Variants in RTCA observed in about 807,000 individuals in gnomAD.
RTCA encodes the protein RNA 3'-terminal phosphate cyclase, also known as RNA terminal phosphate cyclase domain 1.
Under a neutral mutation model 46.1 loss-of-function variants are expected in RTCA, and 37 were observed. The observed-to-expected ratio is 0.80, with a 90% CI of 0.62 to 1.06. The LOEUF (loss-of-function observed/expected upper bound fraction) is 1.06. RTCA is among the 50% of genes least tolerant of loss of function. The pLI, the probability that RTCA is intolerant of heterozygous loss-of-function variation, is 0.00. For synonymous variants in RTCA, 164 were observed against 158.3 expected (o/e 1.04, Z -0.27); for missense variants, 435 against 455.5 (o/e 0.95, Z 0.41).
At position 100,268,147 on chromosome 1, in the gene RTCA, T is replaced by C; in HGVS notation, c.147-5T>C. ...CACGTTTTGATGCAGTATTATGACC[T>C]GAAGGCCTCAACATTTATCTGGACT... On this transcript the variant is annotated splice_polypyrimidine_tract_variant and splice_region_variant and intron_variant, in intron 2 of 10. Transcript: ENST00000370128. The C allele has an allele frequency of 6.2e-7, 1 of 1,614,106 alleles. No homozygotes were observed. Among genetic ancestry groups the C allele is most frequent in the Non-Finnish European group, 8.5e-7 (1 of 1,179,964 alleles).
intron 3 of RTCA, 113 bp downstream of exon 3, chr1:100,268,408 T>TG (rs1481488088): frequency 1.1e-6 from 1 of 912,892 alleles, no homozygotes; most frequent in Non-Finnish European, 1.6e-6. Context: ...TTTATGTTTT[T>TG]TTTTTTTGAG....
chr1:100,289,652 C>G (rs1332429127), intron 10 of RTCA, among the ~76,000 whole-genome samples: 1 of 152,128 alleles, frequency 6.6e-6, no homozygotes, highest in Non-Finnish European at 1.5e-5. Context: ...TAGCAGAGAT[C>G]AGGTTTTATT....
intron 3 of RTCA, among the ~76,000 whole-genome samples, chr1:100,268,644 G>A (rs919925689): frequency 2.2e-4 from 33 of 151,982 alleles, no homozygotes; most frequent in Non-Finnish European, 4.4e-5. Flanking sequence ...ATCCACCCAC[G>A]TTGGCCTCCC....
At chr1:100,269,793 C>A (rs1036679949) in intron 3 of RTCA, among the ~76,000 whole-genome samples, 1 of 152,050 alleles carries the variant, frequency 6.6e-6, no homozygotes, top group African/African-American at 2.4e-5. Flanking sequence ...AGGTTTTAAG[C>A]CCTGCATGCA....
intron 9 of RTCA, 31 bp from the exon 10 acceptor site, chr1:100,287,068 G>T: frequency 7.1e-7 from 1 of 1,413,220 alleles, no homozygotes; most frequent in Non-Finnish European, 9.6e-7. Context: ...TAATAAATGT[G>T]TGAGGTTTTT....
At chr1:100,281,356 A>G (rs113552542) in intron 8 of RTCA, 24 of 527,518 alleles carry the variant, frequency 4.5e-5, no homozygotes, top group Middle Eastern at 3.2e-4. Context: ...GAAGACCTAA[A>G]TTTTAGTCCC....
intron 8 of RTCA, among the ~76,000 whole-genome samples, chr1:100,278,473 T>C (rs894440605): frequency 5.9e-5 from 9 of 152,188 alleles, no homozygotes; most frequent in Admixed American, 2.0e-4. Context: ...GTAGCATCTT[T>C]AAAAATGCTT....
Position 100,291,633 on chromosome 1 carries a change from G to A in RTCA, c.*129G>A. 1.8e-6 allele frequency: 1 copy of A among 557,888 alleles called. No homozygotes were observed. The highest frequency in any genetic ancestry group is 3.3e-5 in the Admixed American group (1 of 30,246). The allele number at this position is 557,888 out of a possible 1,614,324, so 34.6% of individuals were successfully genotyped here. A position where few individuals can be genotyped will look rare whatever the true frequency, so the allele number is the denominator to read the frequency against. ...TTGAAGATGAAGTACAGTGTTCTAG[G>A]TTTGCTGAGAAGGCTTCATTAAATT... On this transcript the variant is annotated 3_prime_UTR_variant, in exon 11 of 11. Coordinates refer to ENST00000370128, the MANE Select transcript of RTCA (RefSeq NM_003729.4).
intron 5 of RTCA, 37 bp from the exon 6 acceptor site, chr1:100,274,787 A>C: frequency 6.4e-7 from 1 of 1,564,086 alleles, no homozygotes. Context: ...TTTGTCATGC[A>C]ATCAGTTTAT....
At chr1:100,266,780 C>G (rs1200231889) in intron 2 of RTCA, 156 bp downstream of exon 2, 1 of 627,864 alleles carries the variant, frequency 1.6e-6, no homozygotes, top group Non-Finnish European at 2.8e-6. Context: ...TGGGCGGTGG[C>G]CTGGGTTGTA....
intron 8 of RTCA, among the ~76,000 whole-genome samples, chr1:100,284,010 A>G (rs542786165): frequency 1.3e-5 from 2 of 151,752 alleles, no homozygotes; most frequent in East Asian, 3.9e-4. Flanking sequence ...TACAATTTCC[A>G]CTTTGGGGAA....
At chr1:100,287,544 G>A (rs1360430190) in intron 10 of RTCA, among the ~76,000 whole-genome samples, 1 of 152,152 alleles carries the variant, frequency 6.6e-6, no homozygotes, top group African/African-American at 2.4e-5. Context: ...GTGTGGTACT[G>A]CCTTACAGAG....
At chr1:100,268,554 C>T (rs1332104112) in intron 3 of RTCA, among the ~76,000 whole-genome samples, 1 of 152,118 alleles carries the variant, frequency 6.6e-6, no homozygotes, top group African/African-American at 2.4e-5. Flanking sequence ...CAGCACCATG[C>T]CCCGCTAATT....
At chr1:100,267,343 T>C (rs1280606335) in intron 2 of RTCA, 1 of 703,942 alleles carries the variant, frequency 1.4e-6, no homozygotes, top group Non-Finnish European at 2.1e-6. Flanking sequence ...GATATGTTAA[T>C]GTTAATTGCC....
intron 7 of RTCA, 106 bp downstream of exon 7, chr1:100,275,829 G>GTATT (rs924947169): frequency 8.0e-5 from 79 of 985,388 alleles, no homozygotes; most frequent in Middle Eastern, 6.0e-4. Flanking sequence ...GTTTTAAGAA[G>GTATT]TATTTATTTA....
chr1:100,280,400 G>A (rs7514752), intron 8 of RTCA, among the ~76,000 whole-genome samples: 117,287 of 152,120 alleles, frequency 0.77, 47,187 homozygotes, highest in East Asian at 0.95. Flanking sequence ...GTCACATGAA[G>A]CAACTTGTAC....
intron 10 of RTCA, among the ~76,000 whole-genome samples, chr1:100,287,969 A>G (rs1464887741): frequency 1.3e-5 from 2 of 151,266 alleles, no homozygotes; most frequent in African/African-American, 2.4e-5. Context: ...AATTTTTCTA[A>G]TTTTTGTAGA....
rs182262238 is a variant in RTCA at position 100,266,766 on chromosome 1, T to G, written c.146+142T>G. 266 of 674,410 alleles carry G rather than the reference T, an allele frequency of 3.9e-4. 3 individuals carry two copies. In the African/African-American group the frequency reaches 4.4e-3, roughly 11 times the overall value. The allele number at this position is 674,410 out of a possible 1,614,324, so 41.8% of individuals were successfully genotyped here. A position where few individuals can be genotyped will look rare whatever the true frequency, so the allele number is the denominator to read the frequency against. ...ATGGGCGATCCAGGGCGGGGCACTC[T>G]GCCTGGGCGGTGGCCTGGGTTGTAA... On this transcript the variant is annotated intron_variant, in intron 2 of 10. Transcript: ENST00000370128.
chr1:100,267,543 G>T, intron 2 of RTCA: 1 of 1,545,638 alleles, frequency 6.5e-7, no homozygotes, highest in Non-Finnish European at 8.8e-7. Context: ...GACAAGGTTG[G>T]TTTCCTCTGA....
Sources: gnomAD v4.1 joint callset for allele counts (sites outside exome capture counted in the v4.1 genomes callset) on GRCh38, gnomAD v4.1.1 for gene constraint, MANE v1.5 for transcripts, NCBI Gene and HGNC (gene_info 2026-07-23, HGNC 2026-07-21) for gene names.